MYT1L: variants seen among roughly 807,000 people sequenced by gnomAD.
MYT1L encodes the protein myelin transcription factor 1-like protein.
A neutral mutation model predicts 126.7 loss-of-function variants in MYT1L; 12 were observed. The ratio of observed to expected loss-of-function variants is 0.09; its 90% confidence interval spans 0.06 to 0.15. The LOEUF (loss-of-function observed/expected upper bound fraction) is 0.15. Ranked by LOEUF, MYT1L falls within the 10% of genes least tolerant of loss-of-function variation. MYT1L has a pLI of 1.00. For missense variants in MYT1L, 979 were observed against 1,585.2 expected, an observed-to-expected ratio of 0.62 and a Z score of 6.49; for synonymous variants, 541 against 604.2, an observed-to-expected ratio of 0.90 and a Z score of 1.53.
At chr2:2,144,697 T>C (rs1340712029) in intron 3 of MYT1L, among the ~76,000 whole-genome samples, 1 of 152,162 alleles carries the variant, frequency 6.6e-6, no homozygotes, top group Non-Finnish European at 1.5e-5. Context: ...CCTGGGTAGA[T>C]ACACTTACAT....
chr2:2,181,829 C>T (rs945006435), intron 2 of MYT1L, among the ~76,000 whole-genome samples: 22 of 152,178 alleles, frequency 1.4e-4, no homozygotes, highest in African/African-American at 9.7e-5. Context: ...TTCCACGTTC[C>T]AGCACTTCCA....
At chr2:2,329,463 GATTCT>G (rs2096271757) in intron 1 of MYT1L, among the ~76,000 whole-genome samples, 1 of 140,342 alleles carries the variant, frequency 7.1e-6, no homozygotes, top group African/African-American at 2.8e-5. Context: ...TCATATTACT[GATTCT>G]TATAGTCCTC....
chr2:1,981,872 A>G (rs2060639349), intron 5 of MYT1L, among the ~76,000 whole-genome samples: 1 of 152,212 alleles, frequency 6.6e-6, no homozygotes, highest in Admixed American at 6.5e-5. Flanking sequence ...TCGTCAGCCA[A>G]TTCGGGAACA....
chr2:2,275,252 C>CTGTTA (rs1171176872), intron 2 of MYT1L, among the ~76,000 whole-genome samples: 1 of 122,568 alleles, frequency 8.2e-6, no homozygotes, highest in Non-Finnish European at 1.8e-5. Context: ...GTGTGCATGC[C>CTGTTA]TGTTATAGCA....
chr2:2,009,164 T>A (rs2063588210), intron 4 of MYT1L, among the ~76,000 whole-genome samples: 1 of 152,056 alleles, frequency 6.6e-6, no homozygotes, highest in South Asian at 2.1e-4. Context: ...TTTTTTCTTT[T>A]TTTCCTGGCT....
At chr2:2,066,913 T>C (rs2073951051) in intron 3 of MYT1L, among the ~76,000 whole-genome samples, 1 of 152,164 alleles carries the variant, frequency 6.6e-6, no homozygotes, top group Non-Finnish European at 1.5e-5. Flanking sequence ...GTGTGATGCC[T>C]CTAGAGGGAA....
chr2:2,005,770 GCC>G (rs2063237220), intron 4 of MYT1L, among the ~76,000 whole-genome samples: 1 of 142,288 alleles, frequency 7.0e-6, no homozygotes. Context: ...TTTCCTGCGT[GCC>G]TTCTTTCCTG....
At chr2:2,128,166 G>A (rs573773736) in intron 3 of MYT1L, among the ~76,000 whole-genome samples, 1 of 151,752 alleles carries the variant, frequency 6.6e-6, no homozygotes, top group Non-Finnish European at 1.5e-5. Flanking sequence ...TATTTTTTTG[G>A]GCATCAGAGT....
In MYT1L at chr2:1,917,196, T is replaced by TG; in HGVS notation, c.1618+8dup. 2 of 1,611,720 alleles carry TG rather than the reference T, an allele frequency of 1.2e-6. No individual in the cohort carries two copies. Among genetic ancestry groups the TG allele is most frequent in the Non-Finnish European group, 1.7e-6 (2 of 1,178,324 alleles). On this transcript the variant is annotated intron_variant, in intron 11 of 24. Transcript: ENST00000647738. The surrounding 1 kb of genome is among the most constrained non-coding windows in gnomAD (Gnocchi z 5.9). ...CACCCCCAAGGGTAGCGGTGAGACG[T>TG]GGACTTACTTTCTGGAGGGACCCTA...
intron 3 of MYT1L, among the ~76,000 whole-genome samples, chr2:2,147,245 C>T (rs973886631): frequency 6.6e-6 from 1 of 152,226 alleles, no homozygotes; most frequent in Non-Finnish European, 1.5e-5. Flanking sequence ...CCTCCTCAGC[C>T]TGGATGCTTG....
chr2:2,205,621 G>A (rs2093282394), intron 2 of MYT1L, among the ~76,000 whole-genome samples: 1 of 152,096 alleles, frequency 6.6e-6, no homozygotes, highest in Non-Finnish European at 1.5e-5. Context: ...CTCCACTGCT[G>A]CCAGTCTCAC....
At chr2:2,136,343 T>G (rs1160011256) in intron 3 of MYT1L, among the ~76,000 whole-genome samples, 1 of 152,222 alleles carries the variant, frequency 6.6e-6, no homozygotes, top group African/African-American at 2.4e-5. Flanking sequence ...GCGAGGAATT[T>G]AAATTCTTCC....
chr2:2,287,602 C>T (rs184549630), intron 1 of MYT1L, among the ~76,000 whole-genome samples: 67 of 152,298 alleles, frequency 4.4e-4, no homozygotes, highest in African/African-American at 1.6e-3. Flanking sequence ...GTGACTTTCT[C>T]ATTTGCAAAA....
intron 2 of MYT1L, among the ~76,000 whole-genome samples, chr2:2,229,267 T>TA (rs906446424): frequency 2.0e-5 from 3 of 152,208 alleles, no homozygotes; most frequent in Non-Finnish European, 1.5e-5. Context: ...ATTCTTTTTT[T>TA]AAAAAAGCAC....
intron 14 of MYT1L, among the ~76,000 whole-genome samples, chr2:1,892,507 T>C (rs1468304917): frequency 1.2e-5 from 1 of 86,514 alleles, no homozygotes; most frequent in African/African-American, 7.1e-5. Flanking sequence ...TCCTTTTTCC[T>C]TTTTTTTTTT....
At chr2:2,159,729 G>A (rs755853010) in intron 3 of MYT1L, among the ~76,000 whole-genome samples, 12 of 152,070 alleles carry the variant, frequency 7.9e-5, no homozygotes, top group South Asian at 2.1e-4. Flanking sequence ...TAAAGCCCTC[G>A]CAGCCTTCGG....
At chr2:2,285,237 A>G (rs1448772855) in intron 1 of MYT1L, among the ~76,000 whole-genome samples, 1 of 152,182 alleles carries the variant, frequency 6.6e-6, no homozygotes, top group Non-Finnish European at 1.5e-5. Flanking sequence ...GTGCATCGTG[A>G]ATTGCATTAT....
chr2:2,301,107 C>T (rs978599275), intron 1 of MYT1L, among the ~76,000 whole-genome samples: 1 of 152,242 alleles, frequency 6.6e-6, no homozygotes. Context: ...CCTACGTTCA[C>T]ATTAATCCAA....
In MYT1L at chr2:1,892,234, C is replaced by T. The variant is rs565377413; in HGVS notation, c.2086G>A (p.Ala696Thr). ...CTCAGGTTGCTGCTGCTGCTGGGCG[C>T]GTAGCTGCTGGTGCTGCTGCTGCTG... The part of the protein sequence containing the change: ...SPSSSSTSSY[A>T]PSSSSNLSCG... The change falls in exon 15 of 25, where the codon GCG becomes ACG. Residue 696 changes from alanine (A) to threonine (T), a missense_variant. Coordinates refer to ENST00000647738, the MANE Select transcript of MYT1L (RefSeq NM_001303052.2). 1.9e-6 allele frequency: 3 copies of T among 1,550,042 alleles called. No individual in the cohort carries two copies. The highest frequency in any genetic ancestry group is 1.2e-5 in the South Asian group (1 of 83,996).
Sources: gnomAD v4.1 joint callset for allele counts (sites outside exome capture counted in the v4.1 genomes callset) on GRCh38, gnomAD v4.1.1 for gene constraint, Gnocchi (gnomAD v3.1) non-coding constraint, MANE v1.5 for transcripts, NCBI Gene and HGNC (gene_info 2026-07-23, HGNC 2026-07-21) for gene names.